The following ARSG variants were observed in gnomAD, a reference collection of about 807,000 sequenced individuals.
The protein encoded by ARSG is ASG.
ARSG carries 37 observed loss-of-function variants against 50.5 expected under a neutral mutation model. The ratio of observed to expected loss-of-function variants is 0.73; its 90% CI spans 0.56 to 0.96. ARSG has a LOEUF of 0.96. Among genes scored for constraint, ARSG ranks in the 50% least tolerant of loss-of-function variants. The pLI is 0.00. For missense variants in ARSG, 629 were observed against 675.3 expected (o/e 0.93, Z 0.76); for synonymous variants, 225 against 254.6 (o/e 0.88, Z 1.11).
At chr17:68,354,436 GA>G (rs528189891) in intron 5 of ARSG, among the ~76,000 whole-genome samples, 3 of 148,020 alleles carry the variant, frequency 2.0e-5, no homozygotes, top group African/African-American at 7.5e-5. Context: ...AAGAAAAAAA[GA>G]AAAAAAAATC....
chr17:68,399,941 C>T lies in ARSG; in HGVS notation c.1213-1419C>T, dbSNP rs2081401408. Among the ~76,000 whole-genome samples the T allele has an allele frequency of 6.6e-6, 1 of 152,206 alleles. No homozygotes were observed. The highest frequency in any genetic ancestry group is 2.4e-5 in the African/African-American group (1 of 41,446). ...TGGAAGAAGTGAGGGTTTTCAGTTA[C>T]GACTTCTTTTCCTGTTTGGAAGGAA... On this transcript the variant is annotated intron_variant, in intron 10 of 11. Coordinates refer to ENST00000621439, the MANE Select transcript of ARSG (RefSeq NM_001267727.2). The surrounding 1 kb of genome is among the most constrained non-coding windows in gnomAD (Gnocchi z 4.6).
chr17:68,307,833 T>TATTA lies in ARSG; in HGVS notation c.218+130_218+133dup, dbSNP rs148449101. 1.7e-3 allele frequency: 1,066 copies of TATTA among 624,548 alleles called. 12 individuals are homozygous for TATTA. In the African/African-American group the frequency reaches 0.018, roughly 10 times the overall value. 38.7% of individuals were successfully genotyped at this position (624,548 alleles called of 1,614,324 possible). ...TGGACCCATGCTGATTTAGTTAATT[T>TATTA]ATTAATTAATTTGGTTTGAAGCCAG... On this transcript the variant is annotated intron_variant, in intron 2 of 11. Transcript: ENST00000621439.
chr17:68,346,629 C>T (rs2078516103), intron 3 of ARSG: 2 of 885,116 alleles, frequency 2.3e-6, no homozygotes, highest in Non-Finnish European at 3.0e-6. Flanking sequence ...TCCTCATTTG[C>T]TGCCCCGTAG....
intron 6 of ARSG, among the ~76,000 whole-genome samples, chr17:68,360,709 C>CT (rs1422323372): frequency 6.6e-6 from 1 of 152,178 alleles, no homozygotes; most frequent in African/African-American, 2.4e-5. Context: ...GCCTCTGTTC[C>CT]TTTTGAGGTC....
At chr17:68,331,747 G>C (rs2077782290) in intron 2 of ARSG, among the ~76,000 whole-genome samples, 1 of 152,154 alleles carries the variant, frequency 6.6e-6, no homozygotes, top group African/African-American at 2.4e-5. Context: ...GAGAAATAAA[G>C]GGAAAGAGTA....
chr17:68,292,774 T>G (rs564421654), intron 1 of ARSG, among the ~76,000 whole-genome samples: 1 of 152,262 alleles, frequency 6.6e-6, no homozygotes, highest in South Asian at 2.1e-4. Context: ...CGTTGACAAG[T>G]TCTGGTTGTG....
chr17:68,317,923 A>G (rs1458056455), intron 2 of ARSG, among the ~76,000 whole-genome samples: 1 of 151,756 alleles, frequency 6.6e-6, no homozygotes, highest in Non-Finnish European at 1.5e-5. Flanking sequence ...ATGTGGTGAA[A>G]CCCCGTCTCT....
chr17:68,278,290 T>G, intron 1 of ARSG: 2 of 1,613,794 alleles, frequency 1.2e-6, no homozygotes, highest in Non-Finnish European at 1.7e-6. Context: ...ACATTGGCTT[T>G]GGAACAAAGC....
intron 1 of ARSG, chr17:68,285,574 G>C (rs1032747198): frequency 6.6e-6 from 1 of 152,346 alleles, no homozygotes; most frequent in Non-Finnish European, 1.5e-5. Context: ...GGAGGCTGCG[G>C]TGGGAGAACT....
chr17:68,293,296 C>A (rs2076084552), intron 1 of ARSG, among the ~76,000 whole-genome samples: 1 of 152,128 alleles, frequency 6.6e-6, no homozygotes, highest in Admixed American at 6.6e-5. Context: ...TTCTGTATGT[C>A]TTAGGAACCT....
At chr17:68,383,879 C>T (rs2080566350) in intron 8 of ARSG, among the ~76,000 whole-genome samples, 1 of 152,178 alleles carries the variant, frequency 6.6e-6, no homozygotes, top group Non-Finnish European at 1.5e-5. Flanking sequence ...TAAACATAAA[C>T]AGTCCATAGG....
At chr17:68,421,968 A>G (rs561386206), downstream of ARSG, 76 of 882,292 alleles carry the variant, frequency 8.6e-5, no homozygotes, top group Admixed American at 1.5e-4. Flanking sequence ...TCATGGCCAC[A>G]GAATGGTCAC....
chr17:68,309,072 G>T (rs2076733341), intron 2 of ARSG, among the ~76,000 whole-genome samples: 1 of 152,244 alleles, frequency 6.6e-6, no homozygotes, highest in Non-Finnish European at 1.5e-5. Flanking sequence ...GGCAGCTAAG[G>T]CTCGGTGAGA....
chr17:68,368,814 C>G (rs2079678923), intron 7 of ARSG, 70 bp downstream of exon 7: 2 of 1,521,846 alleles, frequency 1.3e-6, no homozygotes, highest in Non-Finnish European at 1.8e-6. Flanking sequence ...CTGTGAAGAG[C>G]AGAGTCTGGC....
chr17:68,395,012 C>G (rs1397365844), intron 9 of ARSG, 61 bp from the exon 10 acceptor site: 1 of 1,600,898 alleles, frequency 6.2e-7, no homozygotes, highest in Non-Finnish European at 8.5e-7. Flanking sequence ...GGGGTTGACA[C>G]GGCAGGGTCA....
At chr17:68,355,319 G>A (rs1298810026) in intron 5 of ARSG, among the ~76,000 whole-genome samples, 1 of 152,186 alleles carries the variant, frequency 6.6e-6, no homozygotes, top group East Asian at 1.9e-4. Flanking sequence ...GGGCAGCTAT[G>A]GGTCAGATTC....
At chr17:68,302,322 C>T (rs1218468060) in intron 1 of ARSG, among the ~76,000 whole-genome samples, 2 of 152,092 alleles carry the variant, frequency 1.3e-5, no homozygotes, top group Non-Finnish European at 2.9e-5. Flanking sequence ...TTTTTGGCCT[C>T]GGCTCATCAG....
At chr17:68,285,086 T>A (rs1325410167) in intron 1 of ARSG, among the ~76,000 whole-genome samples, 1 of 152,194 alleles carries the variant, frequency 6.6e-6, no homozygotes, top group Non-Finnish European at 1.5e-5. Context: ...TTGCTGATGA[T>A]GATGCTAAGG....
chr17:68,278,013 C>A (rs952546800), intron 1 of ARSG: 2 of 929,310 alleles, frequency 2.2e-6, no homozygotes, highest in African/African-American at 1.7e-5. Flanking sequence ...ACAAACACAT[C>A]GACTACCATT....
Sources: allele counts gnomAD v4.1 joint callset (sites outside exome capture counted in the v4.1 genomes callset), GRCh38; gene constraint gnomAD v4.1.1; non-coding constraint Gnocchi (gnomAD v3.1); transcripts MANE v1.5; gene names NCBI Gene and HGNC (gene_info 2026-07-23, HGNC 2026-07-21).